The following ATCAY variants were observed in gnomAD, a reference collection of about 807,000 sequenced individuals.
The protein encoded by ATCAY is ATCAY kinesin light chain interacting caytaxin.
ATCAY carries 22 observed loss-of-function variants against 47.7 expected under a neutral mutation model. The ratio of observed to expected loss-of-function variants is 0.46; its 90% confidence interval spans 0.33 to 0.66. The LOEUF (loss-of-function observed/expected upper bound fraction) is 0.66. ATCAY is among the 30% of genes least tolerant of loss of function. The probability of loss-of-function intolerance (pLI) is 0.02; values close to 1 mark genes in which losing one functional copy is unlikely to be tolerated. For missense variants in ATCAY, 452 were observed against 515.0 expected, an observed-to-expected ratio of 0.88 and a Z score of 1.18; for synonymous variants, 216 against 207.6, an observed-to-expected ratio of 1.04 and a Z score of -0.35.
intron 2 of ATCAY, among the ~76,000 whole-genome samples, chr19:3,896,890 C>T (rs2038774654): frequency 6.6e-6 from 1 of 152,112 alleles, no homozygotes; most frequent in Non-Finnish European, 1.5e-5. Context: ...GATTCTCCTG[C>T]CTCAGCCTCA....
intron 2 of ATCAY, among the ~76,000 whole-genome samples, chr19:3,890,161 C>G (rs1211620103): frequency 1.3e-5 from 2 of 149,090 alleles, no homozygotes; most frequent in East Asian, 3.9e-4. Context: ...CCAGGCTGGT[C>G]TCGAACTCTC....
intron 9 of ATCAY, among the ~76,000 whole-genome samples, chr19:3,916,729 C>A (rs2038969246): frequency 6.6e-6 from 1 of 152,068 alleles, no homozygotes; most frequent in African/African-American, 2.4e-5. Flanking sequence ...CTCCCCACCT[C>A]AGCCTCCCAA....
chr19:3,923,466 G>T (rs2039037311), intron 12 of ATCAY, among the ~76,000 whole-genome samples: 1 of 151,874 alleles, frequency 6.6e-6, no homozygotes, highest in Admixed American at 6.6e-5. Flanking sequence ...GTGGATGGAT[G>T]GAAGGATGTT....
intron 3 of ATCAY, among the ~76,000 whole-genome samples, chr19:3,904,193 G>A (rs575834362): frequency 6.6e-5 from 10 of 151,802 alleles, no homozygotes; most frequent in East Asian, 1.9e-4. Flanking sequence ...GCTTGGTGGC[G>A]CATGCCTGTA....
intron 2 of ATCAY, among the ~76,000 whole-genome samples, chr19:3,899,437 C>T (rs1478439883): frequency 2.6e-5 from 4 of 151,662 alleles, no homozygotes; most frequent in Non-Finnish European, 5.9e-5. Flanking sequence ...CCTCAGCCTC[C>T]CCAGTAGCTG....
intron 9 of ATCAY, among the ~76,000 whole-genome samples, chr19:3,917,053 C>A (rs966246996): frequency 2.6e-5 from 4 of 152,028 alleles, no homozygotes; most frequent in Non-Finnish European, 5.9e-5. Flanking sequence ...GTGATCTGCC[C>A]GCCTCGGCCT....
At chr19:3,881,549 C>T (rs2038599662) in intron 1 of ATCAY, among the ~76,000 whole-genome samples, 1 of 152,042 alleles carries the variant, frequency 6.6e-6, no homozygotes, top group African/African-American at 2.4e-5. Context: ...GCTTCACTCC[C>T]GTTCCTTGAT....
rs201514416 is a variant in ATCAY, at chr19:3,913,900, G to A, written c.965+44G>A. 255 of 1,550,038 alleles carry A rather than the reference G, an allele frequency of 1.6e-4. No individual in the cohort carries two copies. In the African/African-American group the frequency reaches 3.2e-3, roughly 19 times the overall value. On this transcript the variant is annotated intron_variant, in intron 9 of 12. Coordinates refer to ENST00000450849, the MANE Select transcript of ATCAY (RefSeq NM_033064.5). ...CACCCCGCCGTATTAGTCTGTTTTC[G>A]TGCTGCTGATAAAGACACACCTGAG... is the stretch of plus-strand genomic sequence containing the variant.
In ATCAY at chr19:3,908,283, G is replaced by T. The variant is rs781251468; in HGVS notation, c.560G>T (p.Gly187Val). The T allele has an allele frequency of 2.5e-6, 4 of 1,579,638 alleles. No individual in the cohort carries two copies. Among genetic ancestry groups the T allele is most frequent in the Admixed American group, 1.8e-5 (1 of 54,886 alleles). The stretch of plus-strand genomic sequence containing the variant: ...CTCTCCTCAGGGTACTACGGCGAAG[G>T]CCTCAACGCCATCATCGTCTTCGCA... ...VVTHGGYYGE[G>V]LNAIIVFAAC... Residue 187 changes from glycine (G) to valine (V), a missense_variant, in exon 6 of 13, where the codon GGC becomes GTC. Physicochemically the swap from Gly to Val is moderately radical, Grantham distance 109. Coordinates refer to ENST00000450849, the MANE Select transcript of ATCAY (RefSeq NM_033064.5).
Position 3,916,222 on chromosome 19 carries a change from A to T in ATCAY, c.966-1520A>T, listed in dbSNP as rs1266693661. Among the ~76,000 whole-genome samples the T allele has an allele frequency of 2.6e-5, 4 of 152,166 alleles. No individual in the cohort carries two copies. In the East Asian group the frequency reaches 5.8e-4, roughly 22 times the overall value. On this transcript the variant is annotated intron_variant, in intron 9 of 12. Transcript: ENST00000450849. ...GCATCCACATTGTAGCCTGTGTCAG[A>T]ATGTCCTTCCTTTTCATGGCTGAAT...
At chr19:3,891,975 C>T (rs2038722488) in intron 2 of ATCAY, among the ~76,000 whole-genome samples, 1 of 152,088 alleles carries the variant, frequency 6.6e-6, no homozygotes, top group African/African-American at 2.4e-5. Flanking sequence ...CTGCAACCTC[C>T]ACTTCCCAGG....
At chr19:3,884,906 G>C (rs1307115160) in intron 1 of ATCAY, among the ~76,000 whole-genome samples, 1 of 151,698 alleles carries the variant, frequency 6.6e-6, no homozygotes, top group Non-Finnish European at 1.5e-5. Flanking sequence ...AGACCACCCT[G>C]GCCAACATAG....
rs189709890 is a variant in ATCAY at position 3,883,596 on chromosome 19, G to A, written c.-41-2131G>A. On this transcript the variant is annotated intron_variant, in intron 1 of 12. Coordinates refer to ENST00000450849, the MANE Select transcript of ATCAY (RefSeq NM_033064.5). ...GGGCGGCCATCCTGGGCACTGTAAG[G>A]TGCTGAGCAGCACCCCTGGCCTGCC... Among the ~76,000 whole-genome samples, 275 of 152,310 alleles carry A rather than the reference G, an allele frequency of 1.8e-3. 2 individuals are homozygous for A. Among genetic ancestry groups the A allele is most frequent in the African/African-American group, 6.4e-3 (268 of 41,574 alleles).
chr19:3,881,871 C>CA (rs200659917), intron 1 of ATCAY, among the ~76,000 whole-genome samples: 1,562 of 144,928 alleles, frequency 0.011, 74 homozygotes, highest in African/African-American at 0.039. Context: ...CCACCGCCCC[C>CA]CCCCCGACCC....
intron 2 of ATCAY, among the ~76,000 whole-genome samples, chr19:3,886,857 G>C (rs1843733172): frequency 6.6e-6 from 1 of 151,256 alleles, no homozygotes; most frequent in Non-Finnish European, 1.5e-5. Context: ...TGGATTACAG[G>C]CACCCGCCAC....
rs150452557 is a variant in ATCAY at position 3,918,274 on chromosome 19, A to G, written c.1001+497A>G. Reference sequence around the variant, plus strand: ...GTGGTGCGTGCCTGTAATCCCAGCTACTTGGGAGGCTGAGCCAGGAGAATC... The same window carrying G: ...GTGGTGCGTGCCTGTAATCCCAGCTGCTTGGGAGGCTGAGCCAGGAGAATC... On this transcript the variant is annotated intron_variant, in intron 10 of 12. Transcript: ENST00000450849. Among the ~76,000 whole-genome samples, 10 of 151,936 alleles carry G rather than the reference A, an allele frequency of 6.6e-5. No individual in the cohort carries two copies. The East Asian group carries it at 1.9e-3, about 29-fold the overall frequency.
chr19:3,894,352 C>T (rs1254575387), intron 2 of ATCAY, among the ~76,000 whole-genome samples: 1 of 151,766 alleles, frequency 6.6e-6, no homozygotes, highest in African/African-American at 2.4e-5. Flanking sequence ...GGCGTGGTGG[C>T]AGGCGCCTGT....
intron 9 of ATCAY, among the ~76,000 whole-genome samples, chr19:3,916,469 C>T (rs1346703493): frequency 6.6e-6 from 1 of 151,882 alleles, no homozygotes; most frequent in Admixed American, 6.6e-5. Flanking sequence ...TTTTGAGGAA[C>T]CACCATACTG....
At chr19:3,891,439 T>C (rs2038718662) in intron 2 of ATCAY, among the ~76,000 whole-genome samples, 1 of 151,790 alleles carries the variant, frequency 6.6e-6, no homozygotes, top group South Asian at 2.1e-4. Context: ...TGCCTCAATT[T>C]CTCCATTCAT....
Sources: allele counts gnomAD v4.1 joint callset (sites outside exome capture counted in the v4.1 genomes callset), GRCh38; gene constraint gnomAD v4.1.1; transcripts MANE v1.5; gene names NCBI Gene and HGNC (gene_info 2026-07-23, HGNC 2026-07-21).